Variants in VCPIP1 observed in about 807,000 individuals in gnomAD.
VCPIP1 encodes the protein deubiquitinating protein VCPIP1.
A neutral mutation model predicts 85.0 loss-of-function variants in VCPIP1; 8 were observed. The observed-to-expected ratio is 0.09, with a 90% CI of 0.06 to 0.17. The LOEUF (loss-of-function observed/expected upper bound fraction) is 0.17, where lower values mean the gene tolerates loss of function less well. Among genes scored for constraint, VCPIP1 ranks in the 10% least tolerant of loss-of-function variants. The pLI is 1.00. For missense variants in VCPIP1, 1,070 were observed against 1,486.3 expected (o/e 0.72, Z 4.61); for synonymous variants, 543 against 544.5 (o/e 1.00, Z 0.04).
intron 1 of VCPIP1, among the ~76,000 whole-genome samples, chr8:66,654,751 T>C (rs1811083780): frequency 1.3e-5 from 2 of 152,228 alleles, no homozygotes; most frequent in Admixed American, 1.3e-4. Context: ...CCAGGTTCAA[T>C]GCCTGGATTA....
chr8:66,644,732 T>C (rs1301105687), intron 2 of VCPIP1, among the ~76,000 whole-genome samples: 1 of 151,832 alleles, frequency 6.6e-6, no homozygotes, highest in Non-Finnish European at 1.5e-5. Flanking sequence ...CTGCTAAAAG[T>C]TGCTAAAATA....
intron 1 of VCPIP1, among the ~76,000 whole-genome samples, chr8:66,655,091 T>G (rs1811087213): frequency 6.6e-6 from 1 of 152,224 alleles, no homozygotes; most frequent in Admixed American, 6.5e-5. Context: ...GTACCCTTGT[T>G]TGATGCTCCT....
At chr8:66,654,139 G>GT (rs1811078104) in intron 1 of VCPIP1, among the ~76,000 whole-genome samples, 1 of 152,212 alleles carries the variant, frequency 6.6e-6, no homozygotes, top group African/African-American at 2.4e-5. Flanking sequence ...TGAATCCTGT[G>GT]TATCAGTCCA....
intron 2 of VCPIP1, among the ~76,000 whole-genome samples, chr8:66,646,262 G>A (rs1350598925): frequency 2.0e-5 from 3 of 151,858 alleles, no homozygotes; most frequent in African/African-American, 7.2e-5. Flanking sequence ...TAGTAGAGAC[G>A]GGGTTTCACA....
At chr8:66,641,600 G>C (rs1158336785) in intron 2 of VCPIP1, among the ~76,000 whole-genome samples, 1 of 152,134 alleles carries the variant, frequency 6.6e-6, no homozygotes, top group Non-Finnish European at 1.5e-5. Flanking sequence ...CTGAACCTTA[G>C]CAGTCATTCC....
chr8:66,645,628 TATAAC>T (rs1290635315), intron 2 of VCPIP1, among the ~76,000 whole-genome samples: 1 of 151,520 alleles, frequency 6.6e-6, no homozygotes, highest in African/African-American at 2.4e-5. Context: ...AATGAAGAAA[TATAAC>T]ATTTTTGGTC....
At chr8:66,646,928 G>A (rs1160375683) in intron 2 of VCPIP1, among the ~76,000 whole-genome samples, 1 of 152,162 alleles carries the variant, frequency 6.6e-6, no homozygotes, top group Non-Finnish European at 1.5e-5. Context: ...AGGAAGCTGA[G>A]ACAGGAGAAT....
intron 2 of VCPIP1, among the ~76,000 whole-genome samples, chr8:66,647,676 A>G (rs1811010314): frequency 1.3e-5 from 2 of 152,180 alleles, no homozygotes; most frequent in South Asian, 4.1e-4. Context: ...TGTATGACTC[A>G]TGGTCAACTG....
At chr8:66,655,906 AT>A (rs1469078270) in intron 1 of VCPIP1, among the ~76,000 whole-genome samples, 2 of 152,102 alleles carry the variant, frequency 1.3e-5, no homozygotes, top group East Asian at 3.9e-4. Context: ...TAGAAAAAAA[AT>A]CTATACTACT....
Position 66,666,452 on chromosome 8 carries a change from G to A in VCPIP1, c.507C>T (p.Leu169=), listed in dbSNP as rs927546715. The A allele has an allele frequency of 1.2e-6, 2 of 1,614,194 alleles. No individual in the cohort carries two copies. The highest frequency in any genetic ancestry group is 1.1e-5 in the South Asian group (1 of 91,084). ...CAGTGTTAACATGCTCTGGTTCTATGAGGAAGGCGCGGTCACCCAGTAAGG... is the reference window on the plus strand; with the variant it reads ...CAGTGTTAACATGCTCTGGTTCTATAAGGAAGGCGCGGTCACCCAGTAAGG... The part of the protein sequence containing the change: ...DCALLGDRAF[L]IEPEHVNTVG... The change falls in exon 1 of 3, where the codon CTC becomes CTT. Residue 169 remains leucine (L), a synonymous_variant. Coordinates refer to ENST00000310421, the MANE Select transcript of VCPIP1 (RefSeq NM_025054.5). This position sits in a 1 kb window ranked among gnomAD's most constrained non-coding sequence, Gnocchi z 6.3.
intron 1 of VCPIP1, among the ~76,000 whole-genome samples, chr8:66,659,611 T>G: frequency 6.6e-6 from 1 of 152,142 alleles, no homozygotes; most frequent in Middle Eastern, 3.2e-3. Context: ...CTCATGTCCC[T>G]GGCTATCATG....
intron 2 of VCPIP1, among the ~76,000 whole-genome samples, chr8:66,644,229 T>C (rs1810973360): frequency 6.6e-6 from 1 of 152,142 alleles, no homozygotes; most frequent in Non-Finnish European, 1.5e-5. Context: ...GAGGAGGCAA[T>C]GCTTCTCAGT....
chr8:66,667,206 A>G lies in VCPIP1; in HGVS notation c.-248T>C. 3.0e-6 allele frequency: 2 copies of G among 660,454 alleles called. No homozygotes were observed. Among genetic ancestry groups the G allele is most frequent in the Non-Finnish European group, 2.3e-6 (1 of 433,842 alleles). 40.9% of individuals were successfully genotyped at this position (660,454 alleles called of 1,614,324 possible). A position where few individuals can be genotyped will look rare whatever the true frequency, so the allele number is the denominator to read the frequency against. On this transcript the variant is annotated 5_prime_UTR_variant, in exon 1 of 3. Transcript: ENST00000310421. Reference sequence around the variant, plus strand: ...CCCCACCCCGCACTCACACTCACTCACTCTCGCTCTCTCTCCCTCAGACAC... The same window carrying G: ...CCCCACCCCGCACTCACACTCACTCGCTCTCGCTCTCTCTCCCTCAGACAC...
chr8:66,631,163 A>G lies in VCPIP1; in HGVS notation c.*3338T>C, dbSNP rs1810831022. 1 of 152,124 alleles carries G rather than the reference A, an allele frequency of 6.6e-6. No individual in the cohort carries two copies. The highest frequency in any genetic ancestry group is 2.4e-5 in the African/African-American group (1 of 41,454). The allele number at this position is 152,124 out of a possible 1,614,324, so 9.4% of individuals were successfully genotyped here. A position where few individuals can be genotyped will look rare whatever the true frequency, so the allele number is the denominator to read the frequency against. ...GAAACCTTGCTTTGAGAACCATAAA[A>G]CTCAAAATCTGTGTAGTATTTTAAG... On this transcript the variant is annotated 3_prime_UTR_variant, in exon 3 of 3. Coordinates refer to ENST00000310421, the MANE Select transcript of VCPIP1 (RefSeq NM_025054.5).
chr8:66,654,926 T>C lies in VCPIP1; in HGVS notation c.2711-3382A>G, dbSNP rs1264785994. Among the ~76,000 whole-genome samples the C allele has an allele frequency of 3.3e-5, 5 of 152,380 alleles. No homozygotes were observed. In the East Asian group the frequency reaches 9.6e-4, roughly 29 times the overall value. Reference sequence around the variant, plus strand: ...GCACTCTAAGAGTTGGACCTTGCCTTTCCCATCTGACATCATACCATACCC... The same window carrying C: ...GCACTCTAAGAGTTGGACCTTGCCTCTCCCATCTGACATCATACCATACCC... On this transcript the variant is annotated intron_variant, in intron 1 of 2. Transcript: ENST00000310421.
At chr8:66,640,448 A>C (rs1372799513) in intron 2 of VCPIP1, among the ~76,000 whole-genome samples, 1 of 152,224 alleles carries the variant, frequency 6.6e-6, no homozygotes, top group African/African-American at 2.4e-5. Context: ...TCTGATACAG[A>C]AAGGAGGCAG....
intron 1 of VCPIP1, among the ~76,000 whole-genome samples, chr8:66,651,918 G>T (rs1288632775): frequency 6.6e-6 from 1 of 151,522 alleles, no homozygotes; most frequent in African/African-American, 2.4e-5. Flanking sequence ...GGTGGCTCAT[G>T]CCTGTAACCC....
chr8:66,640,992 T>C (rs1419842347), intron 2 of VCPIP1, among the ~76,000 whole-genome samples: 1 of 152,126 alleles, frequency 6.6e-6, no homozygotes, highest in East Asian at 1.9e-4. Flanking sequence ...AGGGGAAAGA[T>C]AAAAGGGCAC....
Position 66,635,333 on chromosome 8 carries a change from G to A in VCPIP1, c.2837C>T (p.Pro946Leu). 6.2e-7 allele frequency: 1 copy of A among 1,613,724 alleles called. No homozygotes were observed. The highest frequency in any genetic ancestry group is 8.5e-7 in the Non-Finnish European group (1 of 1,179,964). ...DGKHCTFPHL[P>L]GKTFVYNASE... is the part of the protein sequence containing the mutation. ...AGCATTATAGACAAAGGTTTTGCCA[G>A]GCAGATGTGGAAAAGTACAATGCTT... Residue 946 changes from proline to leucine, a missense_variant, in exon 3 of 3, where the codon CCT becomes CTT. By Grantham distance (98) the Pro-to-Leu change is moderately conservative. This residue lies in a region of VCPIP1 where 46 missense variants were observed against 95.2 expected (regional missense o/e 0.48). Coordinates refer to ENST00000310421, the MANE Select transcript of VCPIP1 (RefSeq NM_025054.5).
Sources: gnomAD v4.1 joint callset for allele counts (sites outside exome capture counted in the v4.1 genomes callset) on GRCh38, gnomAD v4.1.1 for gene constraint, gnomAD v4.1.1 regional missense constraint, Gnocchi (gnomAD v3.1) non-coding constraint, MANE v1.5 for transcripts, NCBI Gene and HGNC (gene_info 2026-07-23, HGNC 2026-07-21) for gene names.